The following TAF2 variants were observed in gnomAD, a reference collection of about 807,000 sequenced individuals.
The protein encoded by TAF2 is transcription initiation factor TFIID subunit 2.
A neutral mutation model predicts 138.5 loss-of-function variants in TAF2; 61 were observed. The ratio of observed to expected loss-of-function variants is 0.44; its 90% CI spans 0.36 to 0.54. The LOEUF (loss-of-function observed/expected upper bound fraction) is 0.54. Ranked by LOEUF, TAF2 falls within the 20% of genes least tolerant of loss-of-function variation. The probability of loss-of-function intolerance (pLI) is 0.00; values close to 1 mark genes in which losing one functional copy is unlikely to be tolerated. For synonymous variants in TAF2, 475 were observed against 469.9 expected, an observed-to-expected ratio of 1.01 and a Z score of -0.14; for missense variants, 1,090 against 1,427.9, an observed-to-expected ratio of 0.76 and a Z score of 3.81.
intron 18 of TAF2, among the ~76,000 whole-genome samples, 160 bp downstream of exon 18, chr8:119,777,859 C>G (rs1822366316): frequency 6.6e-6 from 1 of 152,140 alleles, no homozygotes; most frequent in South Asian, 2.1e-4. Flanking sequence ...GCCTCTATCT[C>G]TAGAAATGTC....
chr8:119,756,567 T>C (rs760636541), intron 21 of TAF2, among the ~76,000 whole-genome samples: 7 of 152,156 alleles, frequency 4.6e-5, no homozygotes, highest in South Asian at 2.1e-4. Flanking sequence ...GACCAAGAAG[T>C]CTGTATTTGA....
chr8:119,764,942 T>A (rs150982775), intron 18 of TAF2, among the ~76,000 whole-genome samples: 153 of 152,272 alleles, frequency 1.0e-3, no homozygotes, highest in African/African-American at 3.4e-3. Context: ...CAAAATGTCT[T>A]TAATTTTTTA....
At chr8:119,768,293 T>G (rs1469453642) in intron 18 of TAF2, among the ~76,000 whole-genome samples, 2 of 152,228 alleles carry the variant, frequency 1.3e-5, no homozygotes, top group Admixed American at 6.5e-5. Flanking sequence ...GCTCTGGGCT[T>G]GGAGGTTTGC....
chr8:119,824,366 T>C (rs533599980), intron 2 of TAF2, among the ~76,000 whole-genome samples: 2 of 150,574 alleles, frequency 1.3e-5, no homozygotes, highest in East Asian at 3.9e-4. Flanking sequence ...GAGGTGGAGG[T>C]TGCAGCGAGC....
At chr8:119,781,910 A>C (rs1482987895) in intron 16 of TAF2, among the ~76,000 whole-genome samples, 1 of 152,036 alleles carries the variant, frequency 6.6e-6, no homozygotes. Flanking sequence ...TTGGTCTTGA[A>C]CTATTGACCT....
intron 22 of TAF2, among the ~76,000 whole-genome samples, chr8:119,750,810 T>C (rs192119969): frequency 6.6e-6 from 1 of 152,312 alleles, no homozygotes. Context: ...CCCTTGAGTG[T>C]AGTTGTAAAT....
Position 119,832,630 on chromosome 8 carries a change from G to T in TAF2, c.-66C>A. On this transcript the variant is annotated 5_prime_UTR_variant, in exon 1 of 26. Transcript: ENST00000378164. ...GGATACGGGGCATTACTAGTCTTTGGCACCTCACACTCTCCACTCCCCTGC... is the reference window on the plus strand; with the variant it reads ...GGATACGGGGCATTACTAGTCTTTGTCACCTCACACTCTCCACTCCCCTGC... 1.3e-6 allele frequency: 2 copies of T among 1,492,542 alleles called. No homozygotes were observed. The highest frequency in any genetic ancestry group is 1.1e-5 in the South Asian group (1 of 88,100). 92.5% of individuals were successfully genotyped at this position (1,492,542 alleles called of 1,614,324 possible). A position where few individuals can be genotyped will look rare whatever the true frequency, so the allele number is the denominator to read the frequency against.
At chr8:119,832,152 G>T (rs1347972216) in intron 1 of TAF2, among the ~76,000 whole-genome samples, 1 of 150,540 alleles carries the variant, frequency 6.6e-6, no homozygotes, top group Non-Finnish European at 1.5e-5. Context: ...GAGAGACTCC[G>T]TCTTAAAAAT....
chr8:119,805,723 A>T (rs1388883821), intron 4 of TAF2, among the ~76,000 whole-genome samples: 7 of 149,806 alleles, frequency 4.7e-5, no homozygotes, highest in East Asian at 2.0e-4. Context: ...ACAAAAAAAA[A>T]TTTTTTTTTT....
intron 2 of TAF2, among the ~76,000 whole-genome samples, chr8:119,820,083 G>A (rs1277665409): frequency 6.6e-6 from 1 of 152,100 alleles, no homozygotes; most frequent in Non-Finnish European, 1.5e-5. Context: ...TAGTCCAGAG[G>A]CCATATGTAG....
rs1001298707 is a variant in TAF2 at position 119,826,347 on chromosome 8, A to G, written c.138+5330T>C. ...TCTTTTTGCCTGCTGCCATCCATGT[A>G]AGAGATGACTTGCTACTCCTTGCCT... is the stretch of plus-strand genomic sequence containing the variant. On this transcript the variant is annotated intron_variant, in intron 2 of 25. Transcript: ENST00000378164. Among the ~76,000 whole-genome samples, 15 of 151,730 alleles carry G rather than the reference A, an allele frequency of 9.9e-5. 1 individual carries two copies. Among genetic ancestry groups the G allele is most frequent in the Non-Finnish European group, 1.5e-5 (1 of 67,990 alleles).
chr8:119,790,123 CTCTTT>C (rs1381468640), intron 11 of TAF2, among the ~76,000 whole-genome samples: 1 of 152,134 alleles, frequency 6.6e-6, no homozygotes, highest in Non-Finnish European at 1.5e-5. Context: ...TGGACCATCT[CTCTTT>C]TAACATTTCT....
At chr8:119,796,848 C>T in intron 8 of TAF2, 142 bp downstream of exon 8, 1 of 601,020 alleles carries the variant, frequency 1.7e-6, no homozygotes, top group South Asian at 2.3e-5. Context: ...AACTTATAAT[C>T]ATTTTTCTTT....
chr8:119,776,472 G>T (rs1215123377), intron 18 of TAF2, among the ~76,000 whole-genome samples: 1 of 150,986 alleles, frequency 6.6e-6, no homozygotes, highest in African/African-American at 2.4e-5. Context: ...CACAAGGTCA[G>T]GAGATCGAAA....
chr8:119,778,231 T>C (rs1456248882), intron 17 of TAF2, 102 bp from the exon 18 acceptor site: 8 of 703,792 alleles, frequency 1.1e-5, no homozygotes, highest in South Asian at 5.0e-5. Flanking sequence ...TGGGCTGACA[T>C]AGATATCTGG....
At position 119,803,904 on chromosome 8, in the gene TAF2, G is replaced by GA. The variant is rs1400509226; in HGVS notation, c.533dup (p.Ser179LeufsTer16). On this transcript the variant is annotated frameshift_variant, in exon 5 of 26. Transcript: ENST00000378164. LOFTEE classifies it high-confidence loss of function. ...TTGTAGAATTTTGATACCCACAAGA[G>GA]AAAACATGAGCACCTCTCTCTGCCA... is the stretch of plus-strand genomic sequence containing the variant. 6.2e-7 allele frequency: 1 copy of GA among 1,613,842 alleles called. No homozygotes were observed.
intron 17 of TAF2, among the ~76,000 whole-genome samples, chr8:119,780,374 A>G (rs1822557599): frequency 6.6e-6 from 1 of 152,210 alleles, no homozygotes; most frequent in Non-Finnish European, 1.5e-5. Context: ...GAAGGTTAAG[A>G]AACTTATGCA....
chr8:119,755,768 T>C (rs1471820732), intron 22 of TAF2, among the ~76,000 whole-genome samples: 2 of 152,170 alleles, frequency 1.3e-5, no homozygotes, highest in South Asian at 2.1e-4. Context: ...CCTTAACCAT[T>C]TGACACTTTC....
chr8:119,808,628 CA>C (rs1285517339), intron 3 of TAF2, among the ~76,000 whole-genome samples: 8 of 152,188 alleles, frequency 5.3e-5, no homozygotes, highest in African/African-American at 1.9e-4. Flanking sequence ...TTATGAAATG[CA>C]TTTCTTAAAT....
Sources: gnomAD v4.1 joint callset for allele counts (sites outside exome capture counted in the v4.1 genomes callset) on GRCh38, gnomAD v4.1.1 for gene constraint, MANE v1.5 for transcripts, NCBI Gene and HGNC (gene_info 2026-07-23, HGNC 2026-07-21) for gene names.